Variants in EYS observed in about 807,000 individuals in gnomAD.
EYS encodes the protein EGF-like photoreceptor maintenance factor.
A neutral mutation model predicts 282.1 loss-of-function variants in EYS; 250 were observed. That is an observed-to-expected ratio of 0.89 (90% confidence interval 0.80 to 0.98). The LOEUF (loss-of-function observed/expected upper bound fraction) is 0.98. Among genes scored for constraint, EYS ranks in the 50% least tolerant of loss-of-function variants. The pLI is 0.00. For missense variants in EYS, 4,016 were observed against 3,709.0 expected (o/e 1.08, Z -2.15); for synonymous variants, 1,355 against 1,282.9 (o/e 1.06, Z -1.20).
intron 2 of EYS, among the ~76,000 whole-genome samples, chr6:65,535,405 T>A (rs906189148): frequency 2.6e-5 from 4 of 152,066 alleles, no homozygotes; most frequent in Non-Finnish European, 4.4e-5. Context: ...TCTCACGAGA[T>A]CTGATGGTTT....
At chr6:64,578,992 T>G (rs1765977483) in intron 26 of EYS, among the ~76,000 whole-genome samples, 1 of 152,154 alleles carries the variant, frequency 6.6e-6, no homozygotes, top group African/African-American at 2.4e-5. Context: ...AACAGAAATA[T>G]CTTTTCATTA....
At chr6:64,314,194 C>CAAAAAAAAAAAAAAAGAAAAAAAA (rs1769842469) in intron 29 of EYS, among the ~76,000 whole-genome samples, 1 of 27,676 alleles carries the variant, frequency 3.6e-5, no homozygotes, top group Non-Finnish European at 6.0e-5. Context: ...AAATGGAAAG[C>CAAAAAAAAAAAAAAAGAAAAAAAA]AAAAAAAAAA....
At chr6:65,547,759 G>A (rs971382286) in intron 2 of EYS, among the ~76,000 whole-genome samples, 5 of 152,096 alleles carry the variant, frequency 3.3e-5, no homozygotes, top group African/African-American at 1.2e-4. Flanking sequence ...CAGGTTAAGG[G>A]AATCAAATGT....
intron 30 of EYS, among the ~76,000 whole-genome samples, chr6:64,237,300 C>G (rs1280693350): frequency 6.6e-6 from 1 of 152,158 alleles, no homozygotes; most frequent in East Asian, 1.9e-4. Flanking sequence ...CAGGGCAGAC[C>G]AACTGAGTAA....
intron 14 of EYS, among the ~76,000 whole-genome samples, chr6:64,972,482 C>G (rs894307517): frequency 2.6e-5 from 4 of 152,086 alleles, no homozygotes; most frequent in African/African-American, 9.7e-5. Flanking sequence ...CCAATCCCTC[C>G]TGTTCCTCCT....
At chr6:65,255,497 C>T (rs1269511281) in intron 12 of EYS, among the ~76,000 whole-genome samples, 1 of 151,908 alleles carries the variant, frequency 6.6e-6, no homozygotes, top group Non-Finnish European at 1.5e-5. Context: ...GCAACCAAAG[C>T]AAAATGTAAA....
In EYS at chr6:64,301,849, G is replaced by T. The variant is rs150483950; in HGVS notation, c.6191+5121C>A. ...CATGGGAAAGTGGCCATTTGGTGGAGACCACATAATTTCCTCCATTGTTCT... is the reference window on the plus strand; with the variant it reads ...CATGGGAAAGTGGCCATTTGGTGGATACCACATAATTTCCTCCATTGTTCT... On this transcript the variant is annotated intron_variant, in intron 30 of 42. Coordinates refer to ENST00000503581, the MANE Select transcript of EYS (RefSeq NM_001142800.2). Among the ~76,000 whole-genome samples, 290 of 152,238 alleles carry T rather than the reference G, an allele frequency of 1.9e-3. 1 individual carries two copies. The highest frequency in any genetic ancestry group is 6.7e-3 in the African/African-American group (277 of 41,536).
intron 30 of EYS, among the ~76,000 whole-genome samples, chr6:64,268,190 G>A (rs1398600405): frequency 6.6e-6 from 1 of 151,928 alleles, no homozygotes; most frequent in African/African-American, 2.4e-5. Flanking sequence ...GTTAAAAAGA[G>A]AGAAGTAGAT....
chr6:64,912,462 T>C, intron 16 of EYS, 22 bp downstream of exon 16: 5 of 1,545,296 alleles, frequency 3.2e-6, no homozygotes, highest in Non-Finnish European at 4.4e-6. Flanking sequence ...TTAAAAACAA[T>C]AAAATCCATA....
chr6:64,029,973 CA>C (rs1220016601), intron 33 of EYS, among the ~76,000 whole-genome samples: 1 of 152,078 alleles, frequency 6.6e-6, no homozygotes, highest in Non-Finnish European at 1.5e-5. Flanking sequence ...GCACACAATG[CA>C]AAAACACAAG....
chr6:64,837,297 C>G (rs528764819), intron 19 of EYS, among the ~76,000 whole-genome samples: 1 of 151,452 alleles, frequency 6.6e-6, no homozygotes, highest in South Asian at 2.1e-4. Flanking sequence ...TAATAAAAAT[C>G]CTCAATAAGC....
At chr6:63,871,862 CT>C (rs991488069) in intron 35 of EYS, among the ~76,000 whole-genome samples, 2 of 152,058 alleles carry the variant, frequency 1.3e-5, no homozygotes, top group African/African-American at 2.4e-5. Flanking sequence ...TCTTTCCTGT[CT>C]TCTTACTCCT....
intron 1 of EYS, among the ~76,000 whole-genome samples, chr6:65,654,976 A>AC (rs1206757565): frequency 7.6e-6 from 1 of 132,014 alleles, no homozygotes; most frequent in Non-Finnish European, 1.6e-5. Context: ...TGGGTCATTC[A>AC]TTAAAAAAAA....
chr6:63,826,918 G>A (rs987534501), intron 36 of EYS, among the ~76,000 whole-genome samples: 2 of 149,044 alleles, frequency 1.3e-5, no homozygotes, highest in African/African-American at 2.5e-5. Context: ...TGAAAGCAAG[G>A]CTACCTCATA....
chr6:63,827,287 G>C (rs1264663358), intron 36 of EYS, among the ~76,000 whole-genome samples: 1 of 152,072 alleles, frequency 6.6e-6, no homozygotes, highest in Non-Finnish European at 1.5e-5. Flanking sequence ...ATTACTAATA[G>C]ACCTAAGAAA....
At chr6:64,151,360 T>A (rs867558890) in intron 31 of EYS, among the ~76,000 whole-genome samples, 2 of 116,924 alleles carry the variant, frequency 1.7e-5, no homozygotes, top group South Asian at 2.5e-4. Context: ...TATATATATA[T>A]ATAATTTTTT....
At chr6:63,837,750 C>T (rs1203758839) in intron 36 of EYS, among the ~76,000 whole-genome samples, 1 of 152,108 alleles carries the variant, frequency 6.6e-6, no homozygotes, top group Non-Finnish European at 1.5e-5. Flanking sequence ...GATTTTGTAT[C>T]AATATTTATG....
chr6:64,610,733 A>G (rs921101345), intron 24 of EYS, among the ~76,000 whole-genome samples: 2 of 152,202 alleles, frequency 1.3e-5, no homozygotes, highest in African/African-American at 4.8e-5. Flanking sequence ...TGTACATCAC[A>G]GCTGTGCCAT....
At position 65,344,183 on chromosome 6, in the gene EYS, A is replaced by C. The variant is rs1770309390; in HGVS notation, c.1460-6T>G. The stretch of plus-strand genomic sequence containing the variant: ...GCACTTTTCGCCTTCAGATCCTTTA[A>C]AAAAAAAGAGATAAAAAATTAAATA... On this transcript the variant is annotated splice_region_variant and splice_polypyrimidine_tract_variant and intron_variant, in intron 9 of 42. Coordinates refer to ENST00000503581, the MANE Select transcript of EYS (RefSeq NM_001142800.2). 1 of 1,601,768 alleles carries C rather than the reference A, an allele frequency of 6.2e-7. No individual in the cohort carries two copies. Among genetic ancestry groups the C allele is most frequent in the Non-Finnish European group, 8.5e-7 (1 of 1,171,144 alleles).
Sources: allele counts gnomAD v4.1 joint callset (sites outside exome capture counted in the v4.1 genomes callset), GRCh38; gene constraint gnomAD v4.1.1; transcripts MANE v1.5; gene names NCBI Gene and HGNC (gene_info 2026-07-23, HGNC 2026-07-21).